Variants in TMEFF2 observed in about 807,000 individuals in gnomAD.
The protein encoded by TMEFF2 is transmembrane protein with EGF like and two follistatin like domains 2.
Under a neutral mutation model 53.8 loss-of-function variants are expected in TMEFF2, and 28 were observed. The observed-to-expected ratio is 0.52, with a 90% CI of 0.39 to 0.71. The LOEUF (loss-of-function observed/expected upper bound fraction) is 0.71, where lower values mean the gene tolerates loss of function less well. Among genes scored for constraint, TMEFF2 ranks in the 30% least tolerant of loss-of-function variants. The pLI is 0.00. For synonymous variants in TMEFF2, 162 were observed against 166.3 expected (o/e 0.97, Z 0.20); for missense variants, 353 against 455.2 (o/e 0.78, Z 2.04).
intron 7 of TMEFF2, among the ~76,000 whole-genome samples, chr2:191,975,700 G>T (rs1158286734): frequency 6.6e-6 from 1 of 152,088 alleles, no homozygotes; most frequent in Non-Finnish European, 1.5e-5. Context: ...TGAGGGCGCT[G>T]CCAGGCTTAA....
intron 5 of TMEFF2, among the ~76,000 whole-genome samples, chr2:192,000,069 TTA>T (rs1322165854): frequency 2.0e-5 from 3 of 152,142 alleles, no homozygotes; most frequent in African/African-American, 7.2e-5. Flanking sequence ...CAAGAAAATT[TTA>T]TATGATTGTT....
rs745702382 is a variant in TMEFF2 at position 192,179,648 on chromosome 2, T to C, written c.439+20A>G. The stretch of plus-strand genomic sequence containing the variant: ...ATATCCACCAGTAAATCTTCAAATA[T>C]GTAAAAAGGCAACTCCTACCTCCAT... On this transcript the variant is annotated intron_variant, in intron 4 of 9. Transcript: ENST00000272771. 22 of 1,561,320 alleles carry C rather than the reference T, an allele frequency of 1.4e-5. No individual in the cohort carries two copies. Among genetic ancestry groups the C allele is most frequent in the South Asian group, 2.5e-5 (2 of 79,512 alleles).
intron 4 of TMEFF2, among the ~76,000 whole-genome samples, chr2:192,091,760 C>G (rs144269075): frequency 6.0e-4 from 91 of 151,864 alleles, no homozygotes; most frequent in African/African-American, 2.2e-3. Flanking sequence ...TACTGAATTT[C>G]AATGTAATTC....
intron 2 of TMEFF2, among the ~76,000 whole-genome samples, chr2:192,191,142 A>G (rs921379288): frequency 1.3e-5 from 2 of 152,180 alleles, no homozygotes; most frequent in Non-Finnish European, 2.9e-5. Context: ...TAATGACTAT[A>G]CTAATGACAC....
chr2:191,981,045 C>T (rs1237239114), intron 7 of TMEFF2, among the ~76,000 whole-genome samples: 2 of 151,910 alleles, frequency 1.3e-5, no homozygotes, highest in Non-Finnish European at 2.9e-5. Context: ...CCCTCCCTCT[C>T]TAGCCTGTTC....
At chr2:192,107,043 C>G (rs1192316952) in intron 4 of TMEFF2, among the ~76,000 whole-genome samples, 1 of 151,532 alleles carries the variant, frequency 6.6e-6, no homozygotes, top group African/African-American at 2.4e-5. Flanking sequence ...ATTTTATACC[C>G]TGAGTATTTG....
rs547867103 is a variant in TMEFF2, at chr2:192,039,399, C to T, written c.536+18280G>A. On this transcript the variant is annotated intron_variant, in intron 5 of 9. Transcript: ENST00000272771. ...CCCAAAATTGGATATGTTGCTATTGCTTTGTACATTTTTCTCTTTGCTTCT... is the reference window on the plus strand; with the variant it reads ...CCCAAAATTGGATATGTTGCTATTGTTTTGTACATTTTTCTCTTTGCTTCT... 2.6e-5 allele frequency among the ~76,000 whole-genome samples: 4 copies of T among 152,186 alleles called. No homozygotes were observed. The East Asian group carries it at 7.7e-4, about 29-fold the overall frequency.
intron 4 of TMEFF2, among the ~76,000 whole-genome samples, chr2:192,126,254 A>G (rs548275300): frequency 6.6e-6 from 1 of 152,348 alleles, no homozygotes; most frequent in Admixed American, 6.5e-5. Context: ...TACATAAAAT[A>G]GATCCTTAAT....
intron 5 of TMEFF2, chr2:192,036,105 T>G (rs1034553009): frequency 3.3e-5 from 5 of 152,234 alleles, no homozygotes; most frequent in African/African-American, 1.2e-4. Context: ...CCTTATTTAT[T>G]TATTCATCAT....
At chr2:191,994,062 C>T (rs190132023) in intron 7 of TMEFF2, among the ~76,000 whole-genome samples, 24 of 151,948 alleles carry the variant, frequency 1.6e-4, no homozygotes, top group Non-Finnish European at 8.8e-5. Context: ...TTGCATATTG[C>T]GGTGACTGCA....
rs199924177 is a variant in TMEFF2 at position 192,037,269 on chromosome 2, A to AAAAT, written c.536+20406_536+20409dup. The AAAAT allele has an allele frequency of 1.1e-3, 80 of 72,588 alleles. 1 individual carries two copies. The highest frequency in any genetic ancestry group is 1.9e-3 in the African/African-American group (37 of 19,492). The allele number at this position is 72,588 out of a possible 1,614,324, so 4.5% of individuals were successfully genotyped here. On this transcript the variant is annotated intron_variant, in intron 5 of 9. Transcript: ENST00000272771. ...GCAGAATGCACTTCTAAGACTAGCC[A>AAAAT]AAATAAAGAAAGAAAGAAAGAAAGA... is the stretch of plus-strand genomic sequence containing the variant.
At chr2:192,130,858 G>T (rs1689804877) in intron 4 of TMEFF2, among the ~76,000 whole-genome samples, 2 of 151,760 alleles carry the variant, frequency 1.3e-5, no homozygotes, top group African/African-American at 2.4e-5. Flanking sequence ...AAGGGGTAGA[G>T]ACAAGGAGAG....
Position 192,194,514 on chromosome 2 carries a change from C to T in TMEFF2, c.11G>A (p.Trp4Ter). 2 of 1,613,440 alleles carry T rather than the reference C, an allele frequency of 1.2e-6. No homozygotes were observed. Among genetic ancestry groups the T allele is most frequent in the Non-Finnish European group, 1.7e-6 (2 of 1,179,962 alleles). MVL[W>*]ESPRQCSSWT... is the part of the protein sequence containing the mutation. ...GCTGCTGCACTGCCGCGGGGACTCCCACAGCACCATGACTAGTTCGTGCAA... is the reference window on the plus strand; with the variant it reads ...GCTGCTGCACTGCCGCGGGGACTCCTACAGCACCATGACTAGTTCGTGCAA... The change falls in exon 1 of 10, where the codon TGG (tryptophan) becomes TAG (stop). Residue 4 changes from tryptophan to a stop codon, truncating the protein, a stop_gained. Transcript: ENST00000272771. LOFTEE classifies it high-confidence loss of function. The surrounding 1 kb of genome is among the most constrained non-coding windows in gnomAD (Gnocchi z 4.2).
At chr2:192,099,389 G>A (rs913646735) in intron 4 of TMEFF2, among the ~76,000 whole-genome samples, 8 of 152,056 alleles carry the variant, frequency 5.3e-5, no homozygotes, top group African/African-American at 1.9e-4. Flanking sequence ...AATTCTTTGA[G>A]AGGCTTAGGA....
intron 5 of TMEFF2, among the ~76,000 whole-genome samples, chr2:192,001,463 T>C (rs1304016439): frequency 1.3e-5 from 2 of 152,144 alleles, no homozygotes; most frequent in Non-Finnish European, 2.9e-5. Context: ...CATATATATA[T>C]AGACAGAAAG....
chr2:192,138,366 C>A (rs998502845), intron 4 of TMEFF2, among the ~76,000 whole-genome samples: 2 of 152,212 alleles, frequency 1.3e-5, no homozygotes, highest in African/African-American at 4.8e-5. Context: ...TTGCTTCCCA[C>A]TCAGAATGTA....
chr2:192,145,664 G>A (rs1359930240), intron 4 of TMEFF2, among the ~76,000 whole-genome samples: 1 of 151,962 alleles, frequency 6.6e-6, no homozygotes, highest in Non-Finnish European at 1.5e-5. Context: ...TCATGGCTAA[G>A]GTCACAGATT....
At chr2:191,971,472 G>A (rs913014398) in intron 7 of TMEFF2, among the ~76,000 whole-genome samples, 1 of 152,112 alleles carries the variant, frequency 6.6e-6, no homozygotes, top group Non-Finnish European at 1.5e-5. Flanking sequence ...AGTTGGGAGC[G>A]AAATATGACA....
At chr2:192,064,098 TTC>T (rs1042445247) in intron 4 of TMEFF2, among the ~76,000 whole-genome samples, 13 of 151,854 alleles carry the variant, frequency 8.6e-5, no homozygotes, top group African/African-American at 2.9e-4. Context: ...AATCTTTTGT[TTC>T]TCTGTTTCCA....
Sources: gnomAD v4.1 joint callset for allele counts (sites outside exome capture counted in the v4.1 genomes callset) on GRCh38, gnomAD v4.1.1 for gene constraint, Gnocchi (gnomAD v3.1) non-coding constraint, MANE v1.5 for transcripts, NCBI Gene and HGNC (gene_info 2026-07-23, HGNC 2026-07-21) for gene names.